The following TMEFF2 variants were observed in gnomAD, a reference collection of about 807,000 sequenced individuals.
TMEFF2 encodes transmembrane protein with EGF like and two follistatin like domains 2, also known as tomoregulin-2.
In TMEFF2, 28 loss-of-function variants were observed where a neutral mutation model predicts 53.8. The ratio of observed to expected loss-of-function variants is 0.52; its 90% CI spans 0.39 to 0.71. TMEFF2 has a LOEUF of 0.71. Ranked by LOEUF, TMEFF2 falls within the 30% of genes least tolerant of loss-of-function variation. The pLI is 0.00. For missense variants in TMEFF2, 353 were observed against 455.2 expected (o/e 0.78, Z 2.04); for synonymous variants, 162 against 166.3 (o/e 0.97, Z 0.20).
At chr2:192,059,976 CTTTCA>C (rs1273565513) in intron 4 of TMEFF2, among the ~76,000 whole-genome samples, 3 of 151,594 alleles carry the variant, frequency 2.0e-5, no homozygotes, top group Non-Finnish European at 4.4e-5. Context: ...CGGTGCACAA[CTTTCA>C]TTTAACTTTT....
intron 5 of TMEFF2, among the ~76,000 whole-genome samples, chr2:192,014,964 G>C (rs62181510): frequency 0.39 from 59,197 of 152,062 alleles, 13,564 homozygotes; most frequent in East Asian, 0.58. Context: ...ATGATTTCCA[G>C]AGCCTAGTAC....
intron 5 of TMEFF2, among the ~76,000 whole-genome samples, chr2:192,047,666 C>T (rs899063918): frequency 2.6e-5 from 4 of 152,098 alleles, no homozygotes; most frequent in Admixed American, 1.3e-4. Flanking sequence ...ATCAGATATT[C>T]GTTTTCATTA....
intron 4 of TMEFF2, among the ~76,000 whole-genome samples, chr2:192,164,238 G>A (rs1690700436): frequency 6.6e-6 from 1 of 152,100 alleles, no homozygotes; most frequent in Non-Finnish European, 1.5e-5. Context: ...TGCTCGGGCT[G>A]CACTTACCTT....
chr2:191,995,020 A>T (rs1018409958), intron 7 of TMEFF2, among the ~76,000 whole-genome samples: 1 of 151,972 alleles, frequency 6.6e-6, no homozygotes, highest in African/African-American at 2.4e-5. Context: ...TGTTGACTAC[A>T]TTTATGTGCC....
At chr2:191,981,597 A>G (rs1177625683) in intron 7 of TMEFF2, among the ~76,000 whole-genome samples, 1 of 152,218 alleles carries the variant, frequency 6.6e-6, no homozygotes, top group South Asian at 2.1e-4. Context: ...CTACTTTAGC[A>G]TTCTTAATGC....
intron 4 of TMEFF2, among the ~76,000 whole-genome samples, chr2:192,142,493 T>C (rs572293508): frequency 4.6e-5 from 7 of 152,158 alleles, no homozygotes; most frequent in African/African-American, 1.4e-4. Context: ...ACGATGGGAG[T>C]AGCAATTAGC....
intron 4 of TMEFF2, among the ~76,000 whole-genome samples, chr2:192,143,034 G>T (rs76948609): frequency 0.02 from 3,005 of 152,168 alleles, 85 homozygotes; most frequent in African/African-American, 0.06. Flanking sequence ...AACATGTTCA[G>T]CTTCCCATGA....
intron 4 of TMEFF2, among the ~76,000 whole-genome samples, chr2:192,176,330 G>A (rs1691042634): frequency 6.6e-6 from 1 of 151,054 alleles, no homozygotes; most frequent in Admixed American, 6.6e-5. Context: ...AAACGTTTTT[G>A]TTCGAAAACA....
intron 4 of TMEFF2, among the ~76,000 whole-genome samples, chr2:192,174,850 C>A (rs1237574752): frequency 1.3e-5 from 2 of 151,420 alleles, no homozygotes; most frequent in Admixed American, 1.3e-4. Flanking sequence ...GTTGTGTTTG[C>A]CAGACTTTGA....
At chr2:192,170,355 C>T (rs975924594) in intron 4 of TMEFF2, among the ~76,000 whole-genome samples, 3 of 152,056 alleles carry the variant, frequency 2.0e-5, no homozygotes, top group African/African-American at 7.2e-5. Flanking sequence ...ACTTTCACAC[C>T]ATCTCAATGC....
chr2:192,053,089 T>G (rs1375665676), intron 5 of TMEFF2, among the ~76,000 whole-genome samples: 1 of 152,188 alleles, frequency 6.6e-6, no homozygotes, highest in Non-Finnish European at 1.5e-5. Flanking sequence ...AATGAAATCA[T>G]AGAACATAAA....
At chr2:191,953,554 A>T in intron 9 of TMEFF2, 125 bp downstream of exon 9, 1 of 1,000,170 alleles carries the variant, frequency 1.0e-6, no homozygotes, top group Non-Finnish European at 1.5e-6. Context: ...TGCTAAGGAC[A>T]TAGGACTCAT....
intron 4 of TMEFF2, among the ~76,000 whole-genome samples, chr2:192,075,310 T>TATATATATATATATATATAAATATAA (rs1688398674): frequency 1.1e-4 from 8 of 74,894 alleles, no homozygotes; most frequent in Admixed American, 5.0e-4. Context: ...TATATATATA[T>TATATATATATATATATATAAATATAA]ATATATATAT....
At chr2:192,123,492 T>C (rs373685095) in intron 4 of TMEFF2, among the ~76,000 whole-genome samples, 12 of 152,200 alleles carry the variant, frequency 7.9e-5, no homozygotes, top group African/African-American at 2.9e-4. Context: ...TAGTGTAGTC[T>C]GCAGTGTCAG....
At chr2:192,008,031 T>C (rs1199457042) in intron 5 of TMEFF2, among the ~76,000 whole-genome samples, 1 of 152,178 alleles carries the variant, frequency 6.6e-6, no homozygotes, top group East Asian at 1.9e-4. Flanking sequence ...GGCAGCTGTG[T>C]GTGTGACTCA....
intron 1 of TMEFF2, among the ~76,000 whole-genome samples, chr2:192,193,589 C>T (rs940803176): frequency 6.6e-6 from 1 of 152,156 alleles, no homozygotes; most frequent in Admixed American, 6.5e-5. Flanking sequence ...CCTGACCAGC[C>T]TCAGTCATGC....
intron 5 of TMEFF2, among the ~76,000 whole-genome samples, chr2:192,002,146 G>C (rs1475656290): frequency 6.6e-6 from 1 of 151,948 alleles, no homozygotes; most frequent in Admixed American, 6.6e-5. Context: ...TTTAAGATTT[G>C]TTTCCTCTCA....
intron 5 of TMEFF2, among the ~76,000 whole-genome samples, chr2:192,046,369 A>C (rs995384161): frequency 6.6e-6 from 1 of 152,156 alleles, no homozygotes; most frequent in African/African-American, 2.4e-5. Context: ...GTCTCAAAGA[A>C]AAAAAAGAAA....
At chr2:192,097,362 A>T (rs16834176) in intron 4 of TMEFF2, among the ~76,000 whole-genome samples, 10,934 of 152,298 alleles carry the variant, frequency 0.072, 512 homozygotes, top group East Asian at 0.2. Flanking sequence ...TTATCTACTC[A>T]ATCAAAACTT....
Sources: gnomAD v4.1 joint callset for allele counts (sites outside exome capture counted in the v4.1 genomes callset) on GRCh38, gnomAD v4.1.1 for gene constraint, MANE v1.5 for transcripts, NCBI Gene and HGNC (gene_info 2026-07-23, HGNC 2026-07-21) for gene names.